ANKRD30B: variants seen among roughly 807,000 people sequenced by gnomAD.
The protein encoded by ANKRD30B is ankyrin repeat domain 30B.
In ANKRD30B, 144 loss-of-function variants were observed where a neutral mutation model predicts 202.2. That is an observed-to-expected ratio of 0.71 (90% CI 0.62 to 0.82). The LOEUF is 0.82. ANKRD30B is among the 40% of genes least tolerant of loss of function. ANKRD30B has a pLI of 0.00. For synonymous variants in ANKRD30B, 508 were observed against 561.3 expected, an observed-to-expected ratio of 0.91 and a Z score of 1.34; for missense variants, 1,487 against 1,669.1, an observed-to-expected ratio of 0.89 and a Z score of 1.90.
At chr18:14,797,957 A>T in intron 20 of ANKRD30B, 103 bp downstream of exon 20, 1 of 1,131,958 alleles carries the variant, frequency 8.8e-7, no homozygotes, top group Non-Finnish European at 1.2e-6. Flanking sequence ...TGAAAATTTG[A>T]TGGGAAAATT....
At chr18:14,818,647 T>C (rs1443337569) in intron 30 of ANKRD30B, among the ~76,000 whole-genome samples, 2 of 151,870 alleles carry the variant, frequency 1.3e-5, no homozygotes, top group Non-Finnish European at 2.9e-5. Context: ...TTACTGAGAA[T>C]GATGATTTCC....
chr18:14,879,744 G>A, the ANKRD30B span, among the ~76,000 whole-genome samples: 1 of 151,848 alleles, frequency 6.6e-6, no homozygotes, highest in African/African-American at 2.4e-5. Flanking sequence ...CCAGGGTTAG[G>A]GGTTAGGGGT....
the ANKRD30B span, chr18:14,903,687 C>T: frequency 6.6e-6 from 1 of 152,206 alleles, no homozygotes; most frequent in African/African-American, 2.4e-5. Context: ...CACGTTACAT[C>T]AGGGACCACT....
At chr18:14,790,560 T>C (rs1968417883) in intron 15 of ANKRD30B, among the ~76,000 whole-genome samples, 1 of 152,158 alleles carries the variant, frequency 6.6e-6, no homozygotes, top group Admixed American at 6.6e-5. Flanking sequence ...TTGAGATACG[T>C]CCCATCAATA....
intron 15 of ANKRD30B, among the ~76,000 whole-genome samples, chr18:14,788,176 G>A (rs1968208850): frequency 6.6e-6 from 1 of 152,166 alleles, no homozygotes; most frequent in South Asian, 2.1e-4. Flanking sequence ...GTCATGGCAA[G>A]TAGAAAATGT....
chr18:14,832,805 A>T (rs939447658), intron 34 of ANKRD30B, among the ~76,000 whole-genome samples: 3 of 152,240 alleles, frequency 2.0e-5, no homozygotes, highest in African/African-American at 7.2e-5. Flanking sequence ...ATATGTCATA[A>T]ATAAGAAGAC....
chr18:14,871,706 AACATAGCAAGACCCTGTCCCT>A, the ANKRD30B span, among the ~76,000 whole-genome samples: 3 of 151,978 alleles, frequency 2.0e-5, no homozygotes, highest in Non-Finnish European at 4.4e-5. Context: ...CAGCCTGGGT[AACATAGCAAGACCCTGTCCCT>A]ACAAAAAAAA....
At chr18:14,784,715 A>AT (rs1211941628) in intron 14 of ANKRD30B, among the ~76,000 whole-genome samples, 180 bp downstream of exon 14, 6 of 150,338 alleles carry the variant, frequency 4.0e-5, no homozygotes, top group South Asian at 2.1e-4. Context: ...TTTTCAATAT[A>AT]TTTTTTTTAA....
chr18:14,754,884 T>G lies in ANKRD30B; in HGVS notation c.511-15T>G. 1 of 1,483,892 alleles carries G rather than the reference T, an allele frequency of 6.7e-7. No homozygotes were observed. The highest frequency in any genetic ancestry group is 1.4e-5 in the African/African-American group (1 of 70,194). 91.9% of individuals were successfully genotyped at this position (1,483,892 alleles called of 1,614,324 possible). A position where few individuals can be genotyped will look rare whatever the true frequency, so the allele number is the denominator to read the frequency against. ...TGTAATTTCATGAATTATATATTGT[T>G]CTGCTATTTTACAGGCTAGCCTCAC... On this transcript the variant is annotated splice_polypyrimidine_tract_variant and intron_variant, in intron 3 of 43. Coordinates refer to ENST00000690538, the MANE Select transcript of ANKRD30B (RefSeq NM_001367607.2).
intron 3 of ANKRD30B, 110 bp downstream of exon 3, chr18:14,753,122 A>T: frequency 1.1e-6 from 1 of 885,026 alleles, no homozygotes; most frequent in East Asian, 2.8e-5. Context: ...GAGTGAAAAT[A>T]ATTTGAAAGA....
chr18:14,849,315 A>G (rs1971788749), intron 40 of ANKRD30B, among the ~76,000 whole-genome samples: 1 of 151,256 alleles, frequency 6.6e-6, no homozygotes, highest in Non-Finnish European at 1.5e-5. Context: ...TAGTTAAATT[A>G]TAGGAATTTT....
chr18:14,884,298 G>A, the ANKRD30B span, among the ~76,000 whole-genome samples: 1 of 151,126 alleles, frequency 6.6e-6, no homozygotes, highest in South Asian at 2.1e-4. Context: ...AGGATCTAAG[G>A]TGGATCCCTT....
At chr18:14,762,008 A>G (rs914888068) in intron 6 of ANKRD30B, among the ~76,000 whole-genome samples, 1 of 152,190 alleles carries the variant, frequency 6.6e-6, no homozygotes, top group Non-Finnish European at 1.5e-5. Flanking sequence ...CATAGTTTCT[A>G]TTTTATATGT....
intron 8 of ANKRD30B, 136 bp from the exon 9 acceptor site, chr18:14,772,020 A>G: frequency 2.2e-6 from 1 of 457,934 alleles, no homozygotes; most frequent in Non-Finnish European, 3.9e-6. Flanking sequence ...ATGATATAAT[A>G]TACAGAGGAC....
chr18:14,887,357 T>C, the ANKRD30B span, among the ~76,000 whole-genome samples: 1 of 152,168 alleles, frequency 6.6e-6, no homozygotes, highest in Non-Finnish European at 1.5e-5. Flanking sequence ...TTCTAAAGAT[T>C]AGAAAATTAC....
At chr18:14,860,260 C>T in the ANKRD30B span, among the ~76,000 whole-genome samples, 2 of 144,412 alleles carry the variant, frequency 1.4e-5, no homozygotes, top group Non-Finnish European at 3.0e-5. Context: ...GCGCTCCCCA[C>T]TTCCCAGATG....
intron 41 of ANKRD30B, among the ~76,000 whole-genome samples, chr18:14,851,078 C>T (rs1365196667): frequency 6.6e-6 from 1 of 151,818 alleles, no homozygotes; most frequent in Non-Finnish European, 1.5e-5. Context: ...ACTGAAAGAG[C>T]TTCCAGAAAT....
the ANKRD30B span, among the ~76,000 whole-genome samples, chr18:14,925,117 C>T: frequency 6.6e-6 from 1 of 152,296 alleles, no homozygotes; most frequent in South Asian, 2.1e-4. Flanking sequence ...GTGGCTGTTT[C>T]ATGCCAGAGT....
intron 32 of ANKRD30B, among the ~76,000 whole-genome samples, chr18:14,826,180 GA>G (rs1286624824): frequency 6.6e-6 from 1 of 152,088 alleles, no homozygotes; most frequent in Non-Finnish European, 1.5e-5. Flanking sequence ...AGAAGATGTA[GA>G]ATAAGAAGAA....
Sources: gnomAD v4.1 joint callset for allele counts (sites outside exome capture counted in the v4.1 genomes callset) on GRCh38, gnomAD v4.1.1 for gene constraint, MANE v1.5 for transcripts, NCBI Gene and HGNC (gene_info 2026-07-23, HGNC 2026-07-21) for gene names.